The following DISC1 variants were observed in gnomAD, a reference collection of about 807,000 sequenced individuals.
DISC1 encodes the protein disrupted in schizophrenia 1 protein.
A neutral mutation model predicts 84.5 loss-of-function variants in DISC1; 57 were observed. That is an observed-to-expected ratio of 0.67 (90% CI 0.55 to 0.84). The LOEUF (loss-of-function observed/expected upper bound fraction) is 0.84. Ranked by LOEUF, DISC1 falls within the 40% of genes least tolerant of loss-of-function variation. The pLI, the probability that DISC1 is intolerant of heterozygous loss-of-function variation, is 0.00. For missense variants in DISC1, 1,000 were observed against 1,057.8 expected (o/e 0.95, Z 0.76); for synonymous variants, 411 against 415.2 (o/e 0.99, Z 0.12).
chr1:232,011,445 C>A (rs892394764), intron 11 of DISC1, among the ~76,000 whole-genome samples: 10 of 152,310 alleles, frequency 6.6e-5, no homozygotes, highest in Middle Eastern at 3.4e-3. Context: ...CTTTCAGTAT[C>A]ATTTCCCTGT....
intron 1 of DISC1, among the ~76,000 whole-genome samples, chr1:231,639,908 T>C (rs1387922290): frequency 6.6e-6 from 1 of 152,250 alleles, no homozygotes; most frequent in Non-Finnish European, 1.5e-5. Context: ...ATTAATGTTA[T>C]CTGATTCACG....
intron 3 of DISC1, among the ~76,000 whole-genome samples, chr1:231,731,669 A>G (rs1421206284): frequency 6.6e-6 from 1 of 152,198 alleles, no homozygotes; most frequent in Non-Finnish European, 1.5e-5. Flanking sequence ...TGAATTTTGC[A>G]AAAGTTTCCA....
intron 3 of DISC1, among the ~76,000 whole-genome samples, chr1:231,726,301 C>T (rs1254792605): frequency 1.3e-5 from 2 of 152,186 alleles, no homozygotes; most frequent in Admixed American, 6.5e-5. Flanking sequence ...CTTCCTAATA[C>T]CAAACCCCAG....
At chr1:231,817,310 C>A (rs890262084) in intron 8 of DISC1, among the ~76,000 whole-genome samples, 4 of 152,176 alleles carry the variant, frequency 2.6e-5, no homozygotes, top group Non-Finnish European at 5.9e-5. Context: ...GTCTTGAACA[C>A]CTGACCTCAA....
chr1:231,800,002 C>A (rs2079097153), intron 7 of DISC1, 106 bp from the exon 8 acceptor site: 1 of 724,040 alleles, frequency 1.4e-6, no homozygotes, highest in East Asian at 2.9e-5. Context: ...TTTTCATCAC[C>A]CCTTTTAATT....
In DISC1 at chr1:231,800,145, A is replaced by G; in HGVS notation, c.1727A>G (p.Lys576Arg). 6.2e-7 allele frequency: 1 copy of G among 1,611,814 alleles called. No individual in the cohort carries two copies. The highest frequency in any genetic ancestry group is 8.5e-7 in the Non-Finnish European group (1 of 1,179,668). ...GAGAAATTCTGCAGCACCCTGAGGAAGAAAGTTAACGATATTGAAACCCAA... is the reference window on the plus strand; with the variant it reads ...GAGAAATTCTGCAGCACCCTGAGGAGGAAAGTTAACGATATTGAAACCCAA... ...MSEKFCSTLRKKVNDIETQLP... is the reference protein window; with the variant it reads ...MSEKFCSTLRRKVNDIETQLP... The change falls in exon 8 of 13, where the codon AAG (lysine) becomes AGG (arginine). Residue 576 changes from lysine to arginine, a missense_variant. Coordinates refer to ENST00000439617, the MANE Select transcript of DISC1 (RefSeq NM_018662.3).
intron 9 of DISC1, among the ~76,000 whole-genome samples, chr1:231,856,980 C>T (rs1363328982): frequency 6.6e-6 from 1 of 152,204 alleles, no homozygotes; most frequent in Non-Finnish European, 1.5e-5. Context: ...CTAGAAACAT[C>T]CACAGCGAGG....
At chr1:231,718,656 G>T (rs532753524) in intron 3 of DISC1, among the ~76,000 whole-genome samples, 1 of 152,008 alleles carries the variant, frequency 6.6e-6, no homozygotes, top group African/African-American at 2.4e-5. Context: ...GGCTGGTCTC[G>T]AACTCCTGAC....
At chr1:231,631,699 T>A (rs2125090984) in intron 1 of DISC1, among the ~76,000 whole-genome samples, 1 of 152,132 alleles carries the variant, frequency 6.6e-6, no homozygotes, top group African/African-American at 2.4e-5. Context: ...CTGCACAATG[T>A]ATTTGTGTTT....
intron 8 of DISC1, among the ~76,000 whole-genome samples, chr1:231,811,017 C>T (rs911574582): frequency 1.3e-5 from 2 of 152,026 alleles, no homozygotes; most frequent in African/African-American, 2.4e-5. Context: ...GGCTGTTGTC[C>T]GATTGTATAT....
intron 9 of DISC1, among the ~76,000 whole-genome samples, chr1:231,949,265 G>A (rs1027224427): frequency 3.9e-5 from 6 of 152,090 alleles, no homozygotes; most frequent in African/African-American, 1.4e-4. Context: ...CTTACTAGCC[G>A]GGGCACGTTG....
intron 3 of DISC1, among the ~76,000 whole-genome samples, chr1:231,734,823 A>G (rs900292441): frequency 6.6e-6 from 1 of 152,190 alleles, no homozygotes; most frequent in Non-Finnish European, 1.5e-5. Context: ...CTTTCATATC[A>G]CAACAAAATG....
chr1:231,799,752 T>G (rs532094889), intron 7 of DISC1, among the ~76,000 whole-genome samples: 1 of 151,104 alleles, frequency 6.6e-6, no homozygotes, highest in South Asian at 2.1e-4. Context: ...TGTAATTGGA[T>G]GTGGGGTGAT....
At chr1:232,033,612 C>G (rs1242405780) in intron 12 of DISC1, among the ~76,000 whole-genome samples, 8 of 152,198 alleles carry the variant, frequency 5.3e-5, no homozygotes, top group Non-Finnish European at 1.2e-4. Context: ...ATGGCAGTGA[C>G]TTTGATTCAC....
chr1:231,818,809 G>A, intron 9 of DISC1: 1 of 1,202,386 alleles, frequency 8.3e-7, no homozygotes, highest in Non-Finnish European at 1.0e-6. Context: ...CCCTTGGCAA[G>A]GTCTTGAGCA....
chr1:231,689,955 G>A (rs938384610), intron 1 of DISC1, among the ~76,000 whole-genome samples: 1 of 152,196 alleles, frequency 6.6e-6, no homozygotes, highest in Non-Finnish European at 1.5e-5. Context: ...GGAGGGATTG[G>A]AAGCTGAAGG....
chr1:231,775,462 C>G (rs569364259), intron 6 of DISC1, among the ~76,000 whole-genome samples: 1 of 152,300 alleles, frequency 6.6e-6, no homozygotes, highest in South Asian at 2.1e-4. Context: ...GGTGTGATAA[C>G]AGAAATCAAA....
At chr1:231,860,383 C>CCCAAAAT (rs965563800) in intron 9 of DISC1, among the ~76,000 whole-genome samples, 3 of 152,010 alleles carry the variant, frequency 2.0e-5, no homozygotes, top group South Asian at 4.1e-4. Context: ...CATCTCTAAT[C>CCCAAAAT]CCAAAATCCA....
intron 10 of DISC1, among the ~76,000 whole-genome samples, chr1:231,976,293 G>C (rs1233405450): frequency 6.6e-6 from 1 of 152,110 alleles, no homozygotes; most frequent in Non-Finnish European, 1.5e-5. Flanking sequence ...ATAGCCTCTG[G>C]GTGTCAGCCG....
Sources: allele counts gnomAD v4.1 joint callset (sites outside exome capture counted in the v4.1 genomes callset), GRCh38; gene constraint gnomAD v4.1.1; transcripts MANE v1.5; gene names NCBI Gene and HGNC (gene_info 2026-07-23, HGNC 2026-07-21).